PTPRT: variants seen among roughly 807,000 people sequenced by gnomAD.
PTPRT encodes receptor-type tyrosine-protein phosphatase T.
Under a neutral mutation model 176.8 loss-of-function variants are expected in PTPRT, and 56 were observed. The ratio of observed to expected loss-of-function variants is 0.32; its 90% CI spans 0.26 to 0.40. PTPRT has a LOEUF of 0.40. Ranked by LOEUF, PTPRT falls within the 10% of genes least tolerant of loss-of-function variation. The pLI is 1.00. For missense variants in PTPRT, 1,540 were observed against 1,908.2 expected (o/e 0.81, Z 3.60); for synonymous variants, 783 against 739.0 (o/e 1.06, Z -0.96).
chr20:42,320,650 A>T (rs929735434), intron 11 of PTPRT, among the ~76,000 whole-genome samples: 5 of 152,342 alleles, frequency 3.3e-5, no homozygotes, highest in African/African-American at 4.8e-5. Flanking sequence ...AGAAACTAGT[A>T]AAGGAGTGAG....
intron 11 of PTPRT, among the ~76,000 whole-genome samples, chr20:42,326,070 C>T (rs1166781840): frequency 1.3e-5 from 2 of 152,222 alleles, no homozygotes; most frequent in Non-Finnish European, 2.9e-5. Flanking sequence ...ATTACACTTT[C>T]CCTCTTAATT....
intron 7 of PTPRT, among the ~76,000 whole-genome samples, chr20:42,533,449 C>CCAACATCCA (rs2072421850): frequency 4.6e-5 from 7 of 152,158 alleles, no homozygotes; most frequent in Non-Finnish European, 7.3e-5. Context: ...TTCAGTCAAT[C>CCAACATCCA]AATTACCTGG....
intron 9 of PTPRT, among the ~76,000 whole-genome samples, chr20:42,433,291 G>GA (rs1350696791): frequency 8.6e-5 from 13 of 150,756 alleles, no homozygotes; most frequent in South Asian, 6.3e-4. Context: ...TTATACTGCA[G>GA]AAAAAAAAAG....
At chr20:42,840,787 C>T (rs1480290056) in intron 2 of PTPRT, among the ~76,000 whole-genome samples, 1 of 152,148 alleles carries the variant, frequency 6.6e-6, no homozygotes, top group Non-Finnish European at 1.5e-5. Flanking sequence ...AACCCCTCAG[C>T]TTTGACCTGT....
intron 26 of PTPRT, among the ~76,000 whole-genome samples, chr20:42,101,019 A>C (rs557302398): frequency 1.3e-5 from 2 of 152,320 alleles, no homozygotes; most frequent in South Asian, 4.1e-4. Context: ...AGGTCAGAGA[A>C]GTTGTTGGCC....
At chr20:42,684,260 G>A (rs763267451) in intron 6 of PTPRT, among the ~76,000 whole-genome samples, 10 of 151,854 alleles carry the variant, frequency 6.6e-5, no homozygotes, top group East Asian at 1.9e-4. Flanking sequence ...CAGGAGAATC[G>A]CTTGGACCTG....
chr20:42,766,979 A>G lies in PTPRT; in HGVS notation c.684+4456T>C, dbSNP rs76955459. ...GAAATTCTCAGGCTAAGTCACCCCAACCTTATTATATGAGGCAGAACAACA... is the reference window on the plus strand; with the variant it reads ...GAAATTCTCAGGCTAAGTCACCCCAGCCTTATTATATGAGGCAGAACAACA... On this transcript the variant is annotated intron_variant, in intron 5 of 30. Coordinates refer to ENST00000373187, the MANE Select transcript of PTPRT (RefSeq NM_007050.6). 4.3e-3 allele frequency among the ~76,000 whole-genome samples: 658 copies of G among 152,130 alleles called. 4 individuals carry two copies. Among genetic ancestry groups the G allele is most frequent in the African/African-American group, 0.015 (611 of 41,508 alleles).
At chr20:42,939,007 A>ATT (rs1051157913) in intron 1 of PTPRT, among the ~76,000 whole-genome samples, 4 of 152,214 alleles carry the variant, frequency 2.6e-5, no homozygotes, top group Non-Finnish European at 5.9e-5. Context: ...TAAAGAAGCC[A>ATT]TTTAGTACTT....
intron 11 of PTPRT, among the ~76,000 whole-genome samples, chr20:42,346,379 GGTGGGGC>G (rs2058195285): frequency 1.3e-5 from 2 of 152,324 alleles, no homozygotes; most frequent in Admixed American, 1.3e-4. Flanking sequence ...CAGTGTGACA[GGTGGGGC>G]GTGGGGGAAG....
At chr20:42,932,904 A>C (rs1202756557) in intron 1 of PTPRT, among the ~76,000 whole-genome samples, 1 of 152,216 alleles carries the variant, frequency 6.6e-6, no homozygotes, top group Non-Finnish European at 1.5e-5. Flanking sequence ...TCAGAGTGAT[A>C]ATGAAACAAG....
intron 1 of PTPRT, among the ~76,000 whole-genome samples, chr20:42,995,885 T>C (rs1282905053): frequency 6.6e-6 from 1 of 152,128 alleles, no homozygotes; most frequent in Non-Finnish European, 1.5e-5. Flanking sequence ...GCAGTGGTCA[T>C]AGCTCACTGC....
chr20:42,990,394 A>G (rs1983838863), intron 1 of PTPRT, among the ~76,000 whole-genome samples: 1 of 152,202 alleles, frequency 6.6e-6, no homozygotes, highest in Non-Finnish European at 1.5e-5. Context: ...AGTGACTGAT[A>G]ATAAAATCAT....
rs185365497 is a variant in PTPRT at position 42,474,082 on chromosome 20, G to A, written c.1154-1520C>T. Among the ~76,000 whole-genome samples, 44 of 152,270 alleles carry A rather than the reference G, an allele frequency of 2.9e-4. 1 individual carries two copies. The highest frequency in any genetic ancestry group is 2.9e-3 in the Admixed American group (44 of 15,302). The stretch of plus-strand genomic sequence containing the variant: ...AATAAGCACTCTACGTATGATAACT[G>A]GGGTGTGTTGTTTGTTTTGCAGTAA... On this transcript the variant is annotated intron_variant, in intron 7 of 30. Coordinates refer to ENST00000373187, the MANE Select transcript of PTPRT (RefSeq NM_007050.6).
intron 1 of PTPRT, among the ~76,000 whole-genome samples, chr20:42,978,393 A>C (rs1221142821): frequency 6.6e-6 from 1 of 152,224 alleles, no homozygotes; most frequent in Admixed American, 6.5e-5. Flanking sequence ...AAGTGAGAGA[A>C]TACAGGGTCA....
chr20:42,254,116 C>T (rs1028437537), intron 13 of PTPRT, among the ~76,000 whole-genome samples: 1 of 152,134 alleles, frequency 6.6e-6, no homozygotes, highest in Non-Finnish European at 1.5e-5. Context: ...TCCCATGCTA[C>T]CCAGCAACCC....
chr20:42,333,667 T>C (rs192496707), intron 11 of PTPRT, among the ~76,000 whole-genome samples: 1 of 152,206 alleles, frequency 6.6e-6, no homozygotes, highest in African/African-American at 2.4e-5. Context: ...TTTAAATATT[T>C]GTTAACATGT....
At chr20:42,200,662 G>T (rs147181945) in intron 15 of PTPRT, among the ~76,000 whole-genome samples, 168 of 152,266 alleles carry the variant, frequency 1.1e-3, no homozygotes, top group African/African-American at 3.8e-3. Flanking sequence ...AACTCCTCTT[G>T]CATATAAGAG....
At chr20:42,089,339 AT>A (rs748344794) in intron 27 of PTPRT, among the ~76,000 whole-genome samples, 18 of 152,328 alleles carry the variant, frequency 1.2e-4, no homozygotes, top group South Asian at 4.2e-4. Context: ...ATTAAAAAAA[AT>A]AATTGCCTTT....
At chr20:42,320,940 C>T (rs2057791703) in intron 11 of PTPRT, among the ~76,000 whole-genome samples, 1 of 152,124 alleles carries the variant, frequency 6.6e-6, no homozygotes, top group African/African-American at 2.4e-5. Flanking sequence ...AAGCCATTTA[C>T]ATCAAAGCAC....
Sources: allele counts gnomAD v4.1 joint callset (sites outside exome capture counted in the v4.1 genomes callset), GRCh38; gene constraint gnomAD v4.1.1; transcripts MANE v1.5; gene names NCBI Gene and HGNC (gene_info 2026-07-23, HGNC 2026-07-21).